MPRIP: variants seen among roughly 807,000 people sequenced by gnomAD.
MPRIP encodes myosin phosphatase Rho interacting protein, also known as myosin phosphatase Rho-interacting protein.
MPRIP carries 59 observed loss-of-function variants against 234.9 expected under a neutral mutation model. The ratio of observed to expected loss-of-function variants is 0.25; its 90% confidence interval spans 0.20 to 0.31. MPRIP has a LOEUF of 0.31. Ranked by LOEUF, MPRIP falls within the 10% of genes least tolerant of loss-of-function variation. The pLI is 1.00. For synonymous variants in MPRIP, 1,144 were observed against 1,263.9 expected, an observed-to-expected ratio of 0.91 and a Z score of 2.01; for missense variants, 2,436 against 3,071.0, an observed-to-expected ratio of 0.79 and a Z score of 4.89.
At position 17,192,427 on chromosome 17, in the gene MPRIP, T is replaced by TGGGGGGG. The variant is rs1555603013; in HGVS notation, c.*7542_*7548dup. 7 of 4,814 alleles carry TGGGGGGG rather than the reference T, an allele frequency of 1.5e-3. 1 individual carries two copies. The highest frequency in any genetic ancestry group is 3.0e-3 in the African/African-American group (7 of 2,358). 0.3% of individuals were successfully genotyped at this position (4,814 alleles called of 1,614,324 possible). On this transcript the variant is annotated 3_prime_UTR_variant, in exon 24 of 24. Transcript: ENST00000651222. ...ACCAGCTGAGCTGCTGCTTTTTTTT[T>TGGGGGGG]GGGGGGGGGGGGGGGAGGGGCGTCT...
chr17:17,144,284 C>T (rs540188114), intron 9 of MPRIP, among the ~76,000 whole-genome samples: 23 of 152,372 alleles, frequency 1.5e-4, no homozygotes, highest in African/African-American at 5.0e-4. Flanking sequence ...CACCATGGGC[C>T]TCCGGCCTGC....
chr17:17,170,872 T>G (rs930849684), intron 16 of MPRIP: 2 of 152,238 alleles, frequency 1.3e-5, no homozygotes, highest in African/African-American at 4.8e-5. Flanking sequence ...TAACCAGGCC[T>G]GGGCTTCCTG....
rs182257282 is a variant in MPRIP, at chr17:17,191,115, T to C, written c.*6221T>C. 1.4e-4 allele frequency: 21 copies of C among 152,350 alleles called. No individual in the cohort carries two copies. The highest frequency in any genetic ancestry group is 4.8e-4 in the African/African-American group (20 of 41,584). 9.4% of individuals were successfully genotyped at this position (152,350 alleles called of 1,614,324 possible). ...TCATCTAACAGATGGTTTTAAAGTGTACAATATCCAAAATAACGATAGCCC... is the reference window on the plus strand; with the variant it reads ...TCATCTAACAGATGGTTTTAAAGTGCACAATATCCAAAATAACGATAGCCC... On this transcript the variant is annotated 3_prime_UTR_variant, in exon 24 of 24. Transcript: ENST00000651222.
intron 21 of MPRIP, 135 bp from the exon 22 acceptor site, chr17:17,177,115 A>T (rs2046271768): frequency 3.4e-5 from 29 of 852,140 alleles, no homozygotes; most frequent in Non-Finnish European, 5.5e-5. Flanking sequence ...CCTCTAGAAG[A>T]CAGAGGTGAA....
rs552338843 is a variant in MPRIP at position 17,174,793 on chromosome 17, C to T, written c.6751-500C>T. On this transcript the variant is annotated intron_variant, in intron 19 of 23. Transcript: ENST00000651222. ...GAGCCTGGGTGACAGAGCGAGACTCCGTCTAAAAAAAAAAAAAAAAAGATT... is the reference window on the plus strand; with the variant it reads ...GAGCCTGGGTGACAGAGCGAGACTCTGTCTAAAAAAAAAAAAAAAAAGATT... Among the ~76,000 whole-genome samples the T allele has an allele frequency of 1.6e-4, 22 of 139,918 alleles. No homozygotes were observed. In the South Asian group the frequency reaches 2.9e-3, roughly 18 times the overall value. 91.8% of individuals were successfully genotyped at this position (139,918 alleles called of 152,430 possible). A position where few individuals can be genotyped will look rare whatever the true frequency, so the allele number is the denominator to read the frequency against.
intron 14 of MPRIP, among the ~76,000 whole-genome samples, chr17:17,159,656 A>C (rs2045819446): frequency 6.6e-6 from 1 of 152,258 alleles, no homozygotes; most frequent in Non-Finnish European, 1.5e-5. Context: ...AAATGTATGC[A>C]GAAATCCAGT....
At chr17:17,046,726 A>C (rs2088364975) in intron 1 of MPRIP, among the ~76,000 whole-genome samples, 1 of 152,118 alleles carries the variant, frequency 6.6e-6, no homozygotes, top group Non-Finnish European at 1.5e-5. Flanking sequence ...GGGGTCTGCA[A>C]ACTTTTTTGG....
At chr17:17,155,687 A>G (rs760378071) in intron 13 of MPRIP, among the ~76,000 whole-genome samples, 4 of 152,180 alleles carry the variant, frequency 2.6e-5, no homozygotes, top group Non-Finnish European at 4.4e-5. Context: ...CATTTATTAA[A>G]CAAACACTGT....
chr17:17,113,885 C>CTTTTTT (rs1396154528), intron 3 of MPRIP, among the ~76,000 whole-genome samples: 30 of 98,420 alleles, frequency 3.0e-4, no homozygotes, highest in African/African-American at 6.8e-4. Context: ...CTTTTCTTTT[C>CTTTTTT]TTTTTTTTTT....
intron 2 of MPRIP, 145 bp downstream of exon 2, chr17:17,075,932 C>G: frequency 1.4e-6 from 1 of 722,992 alleles, no homozygotes; most frequent in Non-Finnish European, 2.3e-6. Context: ...ATTTGGTGCA[C>G]TTGTACGTTG....
Position 17,136,309 on chromosome 17 carries a change from A to T in MPRIP, c.595A>T (p.Thr199Ser). The change falls in exon 6 of 24, where the codon ACC becomes TCC. Residue 199 changes from threonine to serine, a missense_variant. Transcript: ENST00000651222. ...SIPSAEKVPT[T>S]KSTLWQEEMR... The stretch of plus-strand genomic sequence containing the variant: ...CCCCAGTGCTGAGAAAGTCCCCACC[A>T]CCAAGTCCACACTCTGGCAGGAAGA... 1 of 1,613,486 alleles carries T rather than the reference A, an allele frequency of 6.2e-7. No homozygotes were observed. Among genetic ancestry groups the T allele is most frequent in the Non-Finnish European group, 8.5e-7 (1 of 1,179,772 alleles).
At chr17:17,098,734 G>A (rs992948950) in intron 3 of MPRIP, among the ~76,000 whole-genome samples, 3 of 152,158 alleles carry the variant, frequency 2.0e-5, no homozygotes, top group Non-Finnish European at 2.9e-5. Context: ...CCCCAGCCAC[G>A]CCTGGTCAGC....
At chr17:17,118,178 C>T (rs1167322803) in intron 3 of MPRIP, among the ~76,000 whole-genome samples, 1 of 152,226 alleles carries the variant, frequency 6.6e-6, no homozygotes, top group African/African-American at 2.4e-5. Context: ...GTGTGGCTAG[C>T]CCAGGTCATG....
At chr17:17,096,902 T>A in intron 3 of MPRIP, 1 of 433,428 alleles carries the variant, frequency 2.3e-6, no homozygotes, top group Admixed American at 2.6e-5. Context: ...CATCCTTGTC[T>A]TCTAGAATCT....
chr17:17,083,413 A>T (rs1412390008), intron 3 of MPRIP, among the ~76,000 whole-genome samples: 1 of 152,086 alleles, frequency 6.6e-6, no homozygotes, highest in Non-Finnish European at 1.5e-5. Context: ...CCTATAGGAG[A>T]GTGTCCAGGA....
At chr17:17,096,205 C>T (rs533255653) in intron 3 of MPRIP, among the ~76,000 whole-genome samples, 1 of 151,640 alleles carries the variant, frequency 6.6e-6, no homozygotes, top group Non-Finnish European at 1.5e-5. Context: ...CCTGTCCTTT[C>T]CCACACTGTC....
At chr17:17,143,517 C>A in intron 8 of MPRIP, 39 bp from the exon 9 acceptor site, 2 of 1,388,090 alleles carry the variant, frequency 1.4e-6, no homozygotes, top group South Asian at 1.4e-5. Context: ...GCCCACATTG[C>A]CCTGGGCTGC....
At chr17:17,180,791 T>C in intron 23 of MPRIP, 1 of 1,077,384 alleles carries the variant, frequency 9.3e-7, no homozygotes, top group Middle Eastern at 2.0e-4. Context: ...CCAAGTGAGG[T>C]TTCTTTAACC....
intron 9 of MPRIP, among the ~76,000 whole-genome samples, chr17:17,145,572 C>T (rs1037293176): frequency 6.6e-6 from 1 of 152,250 alleles, no homozygotes; most frequent in Non-Finnish European, 1.5e-5. Context: ...GGGGCTGCAG[C>T]TGCTGCTTCC....
Sources: allele counts gnomAD v4.1 joint callset (sites outside exome capture counted in the v4.1 genomes callset), GRCh38; gene constraint gnomAD v4.1.1; transcripts MANE v1.5; gene names NCBI Gene and HGNC (gene_info 2026-07-23, HGNC 2026-07-21).